CUBN: variants seen among roughly 807,000 people sequenced by gnomAD.
CUBN encodes 460 kDa receptor.
CUBN carries 282 observed loss-of-function variants against 405.3 expected under a neutral mutation model. That is an observed-to-expected ratio of 0.70 (90% CI 0.63 to 0.77). The LOEUF (loss-of-function observed/expected upper bound fraction) is 0.77. CUBN is among the 30% of genes least tolerant of loss of function. The probability of loss-of-function intolerance (pLI) is 0.00; values close to 1 mark genes in which losing one functional copy is unlikely to be tolerated. For missense variants in CUBN, 4,514 were observed against 4,475.2 expected, an observed-to-expected ratio of 1.01 and a Z score of -0.25; for synonymous variants, 1,684 against 1,617.0, an observed-to-expected ratio of 1.04 and a Z score of -0.99.
chr10:16,857,065 C>A lies in CUBN; in HGVS notation c.9455-5622G>T, dbSNP rs549346428. ...AACATTCTACTAGGTTTCAGACGAA[C>A]CTGTTTTGTCTTTTTCTCTAAAAGT... On this transcript the variant is annotated intron_variant, in intron 59 of 66. Transcript: ENST00000377833. Among the ~76,000 whole-genome samples the A allele has an allele frequency of 1.9e-3, 296 of 152,278 alleles. 1 individual carries two copies. Among genetic ancestry groups the A allele is most frequent in the African/African-American group, 6.4e-3 (267 of 41,546 alleles).
intron 27 of CUBN, among the ~76,000 whole-genome samples, chr10:17,021,365 A>G (rs1289755919): frequency 6.6e-6 from 1 of 152,238 alleles, no homozygotes; most frequent in African/African-American, 2.4e-5. Flanking sequence ...GATAATGGCA[A>G]TCCAACAAGA....
chr10:17,068,691 A>C lies in CUBN; in HGVS notation c.2705T>G (p.Val902Gly), dbSNP rs1383267441. The stretch of plus-strand genomic sequence containing the variant: ...GAATGTGACATAAAGAAAATTGTAC[A>C]CAGATGTTATAAATGAAGGTATGTC... Reference protein sequence around the residue: ...GTDIPSFITSVYNFLYVTFVK... With the variant: ...GTDIPSFITSGYNFLYVTFVK... Residue 902 changes from valine (V) to glycine (G), a missense_variant, in exon 20 of 67, where the codon GTG (valine) becomes GGG (glycine). Val to Gly is a moderately radical substitution (Grantham distance 109). Coordinates refer to ENST00000377833, the MANE Select transcript of CUBN (RefSeq NM_001081.4). 3 of 1,612,516 alleles carry C rather than the reference A, an allele frequency of 1.9e-6. No individual in the cohort carries two copies. The highest frequency in any genetic ancestry group is 2.2e-5 in the South Asian group (2 of 90,968).
At chr10:16,988,234 C>T (rs1448282104) in intron 29 of CUBN, among the ~76,000 whole-genome samples, 1 of 152,216 alleles carries the variant, frequency 6.6e-6, no homozygotes, top group African/African-American at 2.4e-5. Flanking sequence ...GAACATTGCA[C>T]ATAGCTGTGG....
chr10:17,020,066 C>G, intron 27 of CUBN, 83 bp from the exon 28 acceptor site: 1 of 1,509,320 alleles, frequency 6.6e-7, no homozygotes, highest in African/African-American at 1.4e-5. Context: ...GTAGCAAAAG[C>G]TGTTCCTTGG....
intron 53 of CUBN, 135 bp downstream of exon 53, chr10:16,900,490 G>C (rs1293839267): frequency 4.1e-6 from 3 of 739,956 alleles, no homozygotes; most frequent in Non-Finnish European, 7.2e-6. Context: ...TATCCCACCA[G>C]GGTTGCTGCA....
intron 22 of CUBN, 36 bp downstream of exon 22, chr10:17,065,472 G>T: frequency 6.2e-7 from 1 of 1,611,124 alleles, no homozygotes; most frequent in Non-Finnish European, 8.5e-7. Context: ...TTGCAATGGA[G>T]TCAATAAAAC....
At chr10:16,847,528 T>G (rs894718727) in intron 60 of CUBN, among the ~76,000 whole-genome samples, 4 of 152,152 alleles carry the variant, frequency 2.6e-5, no homozygotes, top group Non-Finnish European at 2.9e-5. Flanking sequence ...ATTATTTAAA[T>G]GTATGTTTTT....
intron 10 of CUBN, among the ~76,000 whole-genome samples, chr10:17,106,577 G>C (rs1836635611): frequency 7.3e-6 from 1 of 137,904 alleles, no homozygotes; most frequent in Non-Finnish European, 1.5e-5. Flanking sequence ...CAGCCTGGGA[G>C]ACAGAGCAAA....
intron 50 of CUBN, among the ~76,000 whole-genome samples, 170 bp downstream of exon 50, chr10:16,906,033 G>C (rs566505819): frequency 6.6e-6 from 1 of 152,146 alleles, no homozygotes; most frequent in Non-Finnish European, 1.5e-5. Context: ...AGGATCACCT[G>C]AGCCTGGGAG....
At chr10:16,930,609 ACT>A (rs1207646276) in intron 40 of CUBN, among the ~76,000 whole-genome samples, 5 of 152,276 alleles carry the variant, frequency 3.3e-5, no homozygotes, top group Non-Finnish European at 7.4e-5. Context: ...AGTTTCATGG[ACT>A]CTCAGTTTGG....
rs371301211 is a variant in CUBN at position 16,933,230 on chromosome 10, G to A, written c.5981C>T (p.Pro1994Leu). The A allele has an allele frequency of 1.2e-5, 19 of 1,613,852 alleles. No individual in the cohort carries two copies. The highest frequency in any genetic ancestry group is 1.6e-4 in the Middle Eastern group (1 of 6,078). The change falls in exon 40 of 67, where the codon CCG becomes CTG. Residue 1994 changes from proline to leucine, a missense_variant. Physicochemically the swap from Pro to Leu is moderately conservative, Grantham distance 98. Around this residue, in one of 5 missense-constraint regions of CUBN, gnomAD observed 1,613 missense variants for 1,542.8 expected, o/e 1.05. Transcript: ENST00000377833. ...ATTACTGTAACTGTCAGGCCAGCCC[G>A]GGGAGAAGAGAAACACGGGTGCATC... ...TGDAPVFLFS[P>L]GWPDSYSNRV... is the part of the protein sequence containing the mutation.
At chr10:16,952,464 G>T (rs1842948117) in intron 32 of CUBN, 75 bp from the exon 33 acceptor site, 2 of 932,812 alleles carry the variant, frequency 2.1e-6, no homozygotes, top group African/African-American at 1.6e-5. Context: ...ATTATTTGAT[G>T]AATAAAACCA....
intron 4 of CUBN, among the ~76,000 whole-genome samples, chr10:17,123,994 G>C (rs905188970): frequency 5.9e-5 from 9 of 152,214 alleles, no homozygotes; most frequent in African/African-American, 2.2e-4. Context: ...CTGAGAAAGA[G>C]ACCTCAGTGG....
intron 8 of CUBN, among the ~76,000 whole-genome samples, chr10:17,111,848 C>T (rs1277259025): frequency 1.3e-5 from 2 of 152,140 alleles, no homozygotes; most frequent in African/African-American, 2.4e-5. Context: ...CCCTCAAACC[C>T]GGGAGGTGGA....
chr10:16,945,767 CAAAAA>C (rs61141075), intron 36 of CUBN, among the ~76,000 whole-genome samples: 51 of 81,408 alleles, frequency 6.3e-4, no homozygotes, highest in Middle Eastern at 6.8e-3. Flanking sequence ...ACTGTGTCTC[CAAAAA>C]AAAAAAAAAA....
chr10:17,110,462 T>A (rs1836745943), intron 9 of CUBN, among the ~76,000 whole-genome samples: 1 of 152,216 alleles, frequency 6.6e-6, no homozygotes, highest in Non-Finnish European at 1.5e-5. Context: ...TGTACTAATG[T>A]GTCCTGAATT....
chr10:16,932,910 A>G (rs1842399687), intron 40 of CUBN, among the ~76,000 whole-genome samples, 177 bp downstream of exon 40: 1 of 152,172 alleles, frequency 6.6e-6, no homozygotes, highest in South Asian at 2.1e-4. Flanking sequence ...CGGTAATTTA[A>G]TACTTTCTAT....
chr10:16,904,196 T>G, intron 50 of CUBN, 81 bp from the exon 51 acceptor site: 1 of 1,302,744 alleles, frequency 7.7e-7, no homozygotes, highest in South Asian at 1.2e-5. Context: ...AAAACAAATT[T>G]CAAGATATTC....
chr10:16,929,427 C>T (rs1276720), intron 40 of CUBN, among the ~76,000 whole-genome samples: 99,410 of 151,986 alleles, frequency 0.65, 33,667 homozygotes, highest in Middle Eastern at 0.8. Flanking sequence ...ATTAATAAAT[C>T]TCGAGTTTAT....
Sources: gnomAD v4.1 joint callset for allele counts (sites outside exome capture counted in the v4.1 genomes callset) on GRCh38, gnomAD v4.1.1 for gene constraint, gnomAD v4.1.1 regional missense constraint, MANE v1.5 for transcripts, NCBI Gene and HGNC (gene_info 2026-07-23, HGNC 2026-07-21) for gene names.